The following SLC35A1 variants were observed in gnomAD, a reference collection of about 807,000 sequenced individuals.
SLC35A1 encodes the protein CMP-sialic acid transporter.
Under a neutral mutation model 40.3 loss-of-function variants are expected in SLC35A1, and 21 were observed. The ratio of observed to expected loss-of-function variants is 0.52; its 90% CI spans 0.37 to 0.75. The LOEUF is 0.75. Ranked by LOEUF, SLC35A1 falls within the 30% of genes least tolerant of loss-of-function variation. The pLI is 0.00. For synonymous variants in SLC35A1, 146 were observed against 147.3 expected (o/e 0.99, Z 0.06); for missense variants, 297 against 382.1 (o/e 0.78, Z 1.86).
intron 2 of SLC35A1, among the ~76,000 whole-genome samples, chr6:87,484,709 C>T (rs749335846): frequency 6.6e-6 from 1 of 150,800 alleles, no homozygotes; most frequent in East Asian, 1.9e-4. Flanking sequence ...AGCAGGTAAT[C>T]GGAATGAGTC....
intron 5 of SLC35A1, among the ~76,000 whole-genome samples, chr6:87,507,281 C>T (rs897902116): frequency 6.6e-6 from 1 of 151,886 alleles, no homozygotes; most frequent in Admixed American, 6.6e-5. Flanking sequence ...ATGTTTTATA[C>T]GAGGGGAAAA....
chr6:87,484,773 G>A (rs187715471), intron 2 of SLC35A1, among the ~76,000 whole-genome samples: 125 of 152,282 alleles, frequency 8.2e-4, no homozygotes, highest in Non-Finnish European at 8.7e-4. Flanking sequence ...ATCGGAAAAG[G>A]TGCTTTACAA....
intron 1 of SLC35A1, among the ~76,000 whole-genome samples, chr6:87,473,804 AC>A (rs1768989024): frequency 6.6e-6 from 1 of 152,212 alleles, no homozygotes; most frequent in African/African-American, 2.4e-5. Context: ...TGGTGCATTA[AC>A]CAGGAGAAGT....
At chr6:87,492,184 G>A (rs1038059867) in intron 2 of SLC35A1, among the ~76,000 whole-genome samples, 2 of 152,128 alleles carry the variant, frequency 1.3e-5, no homozygotes, top group Non-Finnish European at 2.9e-5. Context: ...TACTGATATA[G>A]TACTATTACC....
intron 2 of SLC35A1, among the ~76,000 whole-genome samples, chr6:87,484,119 G>T (rs1031077519): frequency 2.6e-5 from 4 of 152,186 alleles, no homozygotes; most frequent in African/African-American, 9.6e-5. Context: ...TGTGGTATGT[G>T]AGGATCCTTT....
chr6:87,486,545 T>TA (rs1172755989), intron 2 of SLC35A1, among the ~76,000 whole-genome samples: 1 of 152,104 alleles, frequency 6.6e-6, no homozygotes, highest in African/African-American at 2.4e-5. Context: ...CATGGACTTA[T>TA]AGTCTGTTGG....
At chr6:87,477,027 C>A (rs1582164445) in intron 1 of SLC35A1, among the ~76,000 whole-genome samples, 1 of 151,968 alleles carries the variant, frequency 6.6e-6, no homozygotes. Context: ...TCCAAAAAAA[C>A]CCACCACCAC....
chr6:87,504,566 T>C (rs898507008), intron 4 of SLC35A1, among the ~76,000 whole-genome samples: 4 of 152,152 alleles, frequency 2.6e-5, no homozygotes, highest in Non-Finnish European at 4.4e-5. Flanking sequence ...TAACTTGAAG[T>C]TTTACATTTT....
intron 2 of SLC35A1, among the ~76,000 whole-genome samples, chr6:87,486,877 A>T (rs565749117): frequency 1.3e-5 from 2 of 152,282 alleles, no homozygotes; most frequent in East Asian, 3.9e-4. Flanking sequence ...GAAGTGCATT[A>T]GAAAAATCAT....
chr6:87,508,551 A>G lies in SLC35A1; in HGVS notation c.706A>G (p.Lys236Glu). Reference sequence around the variant, plus strand: ...GTCAGATGGAGCTGAAATTAAAGAAAAAGGATTTTTCTATGGTTACACATA... The same window carrying G: ...GTCAGATGGAGCTGAAATTAAAGAAGAAGGATTTTTCTATGGTTACACATA... ...YLSDGAEIKE[K>E]GFFYGYTYYV... The change falls in exon 6 of 8, where the codon AAA (lysine) becomes GAA (glutamate). Residue 236 changes from lysine to glutamate, a missense_variant. By Grantham distance (56) the Lys-to-Glu change is moderately conservative (BLOSUM62 1). Transcript: ENST00000369552. The G allele has an allele frequency of 1.9e-6, 3 of 1,613,314 alleles. No individual in the cohort carries two copies. The highest frequency in any genetic ancestry group is 2.5e-6 in the Non-Finnish European group (3 of 1,179,636).
intron 2 of SLC35A1, chr6:87,488,019 A>G (rs1270980504): frequency 6.6e-6 from 1 of 152,186 alleles, no homozygotes; most frequent in Non-Finnish European, 1.5e-5. Context: ...AGTATAAACA[A>G]TTGGGTAGAG....
At chr6:87,498,224 G>A (rs2127973281) in intron 2 of SLC35A1, among the ~76,000 whole-genome samples, 1 of 152,200 alleles carries the variant, frequency 6.6e-6, no homozygotes, top group East Asian at 1.9e-4. Context: ...AGTTCCTTCT[G>A]GGTATCACCT....
chr6:87,486,596 T>C (rs1398010677), intron 2 of SLC35A1, among the ~76,000 whole-genome samples: 2 of 152,130 alleles, frequency 1.3e-5, no homozygotes, highest in Non-Finnish European at 2.9e-5. Context: ...GGTGATGTTA[T>C]GAGGGAAAAG....
intron 4 of SLC35A1, among the ~76,000 whole-genome samples, chr6:87,503,434 T>A (rs1769980562): frequency 6.6e-6 from 1 of 152,226 alleles, no homozygotes. Flanking sequence ...GGATTGTACC[T>A]TTATCCTCAC....
chr6:87,503,911 C>A (rs1769997647), intron 4 of SLC35A1, among the ~76,000 whole-genome samples: 1 of 152,156 alleles, frequency 6.6e-6, no homozygotes, highest in South Asian at 2.1e-4. Context: ...TAAATCTGTT[C>A]TAACATTTTG....
In SLC35A1 at chr6:87,480,100, C is replaced by T. The variant is rs181744545; in HGVS notation, c.194+2561C>T. ...TCAGGGATGAATAAGGGCAGATTGA[C>T]GGGTCACCTCTTGGAAGTGCCTAAC... On this transcript the variant is annotated intron_variant, in intron 2 of 7. Coordinates refer to ENST00000369552, the MANE Select transcript of SLC35A1 (RefSeq NM_006416.5). Among the ~76,000 whole-genome samples the T allele has an allele frequency of 9.4e-4, 143 of 152,342 alleles. 1 individual carries two copies. In the South Asian group the frequency reaches 9.5e-3, roughly 10 times the overall value.
intron 2 of SLC35A1, among the ~76,000 whole-genome samples, chr6:87,483,653 G>A (rs756847754): frequency 6.6e-5 from 10 of 151,276 alleles, no homozygotes; most frequent in African/African-American, 1.9e-4. Context: ...CTTGCCTGCC[G>A]TGGAAGGCTC....
At chr6:87,486,330 C>T (rs9444509) in intron 2 of SLC35A1, among the ~76,000 whole-genome samples, 60,045 of 151,990 alleles carry the variant, frequency 0.4, 12,043 homozygotes, top group Admixed American at 0.47. Flanking sequence ...ATATTCAAAT[C>T]TGTGTTTCAT....
At chr6:87,495,815 C>T (rs1769709656) in intron 2 of SLC35A1, among the ~76,000 whole-genome samples, 1 of 151,912 alleles carries the variant, frequency 6.6e-6, no homozygotes, top group South Asian at 2.1e-4. Context: ...GCCACCACGC[C>T]CGGCTAATTT....
Sources: allele counts gnomAD v4.1 joint callset (sites outside exome capture counted in the v4.1 genomes callset), GRCh38; gene constraint gnomAD v4.1.1; transcripts MANE v1.5; gene names NCBI Gene and HGNC (gene_info 2026-07-23, HGNC 2026-07-21).